POF1B: variants seen among roughly 807,000 people sequenced by gnomAD.
POF1B encodes the protein POF1B actin binding protein, also known as protein POF1B.
A neutral mutation model predicts 55.3 loss-of-function variants in POF1B; 53 were observed. That is an observed-to-expected ratio of 0.96 (90% confidence interval 0.77 to 1.20). The LOEUF is 1.20. Among genes scored for constraint, POF1B ranks in the 50% most tolerant of loss-of-function variants. The probability of loss-of-function intolerance (pLI) is 0.00; values close to 1 mark genes in which losing one functional copy is unlikely to be tolerated. For synonymous variants in POF1B, 188 were observed against 148.3 expected (o/e 1.27, Z -1.95); for missense variants, 478 against 420.5 (o/e 1.14, Z -1.20).
At chrX:85,350,601 T>C (rs1933362696) in intron 5 of POF1B, among the ~76,000 whole-genome samples, 1 of 111,472 alleles carries the variant, frequency 9.0e-6, no homozygotes, top group Non-Finnish European at 1.9e-5. Flanking sequence ...CCCTGAGGAA[T>C]CACCACATTG....
chrX:85,307,143 C>G lies in POF1B; in HGVS notation c.1164+20G>C, dbSNP rs758563823. 10 of 1,115,620 alleles carry G rather than the reference C, an allele frequency of 9.0e-6. No individual in the cohort carries two copies. The highest frequency in any genetic ancestry group is 1.2e-5 in the Non-Finnish European group (10 of 812,726). 91.9% of individuals were successfully genotyped at this position (1,115,620 alleles called of 1,213,427 possible). ...AAAAGCTATCAATGTAGATTAACAC[C>G]AATAAAAGCATCAGTTTACCTGCTG... On this transcript the variant is annotated intron_variant, in intron 11 of 16. Transcript: ENST00000262753.
At chrX:85,303,020 T>A (rs1447849036) in intron 15 of POF1B, among the ~76,000 whole-genome samples, 1 of 111,531 alleles carries the variant, frequency 9.0e-6, no homozygotes, top group Non-Finnish European at 1.9e-5. Flanking sequence ...AAGAAAGACA[T>A]ATTTATAAAG....
intron 9 of POF1B, among the ~76,000 whole-genome samples, chrX:85,309,183 C>T (rs1932640717): frequency 9.1e-6 from 1 of 110,256 alleles, no homozygotes; most frequent in Non-Finnish European, 1.9e-5. Flanking sequence ...CGACTGATAA[C>T]GGGCCACTAC....
intron 2 of POF1B, among the ~76,000 whole-genome samples, chrX:85,368,475 A>C (rs1417106189): frequency 1.8e-5 from 2 of 111,464 alleles, no homozygotes; most frequent in Non-Finnish European, 3.8e-5. Context: ...ACTACCTTTG[A>C]AAACTCAACT....
chrX:85,305,489 TTAGGC>T, intron 13 of POF1B, among the ~76,000 whole-genome samples: 1 of 110,873 alleles, frequency 9.0e-6, no homozygotes, highest in East Asian at 2.8e-4. Context: ...TAAGCATGCT[TTAGGC>T]AAGATCATGA....
chrX:85,355,634 G>A (rs1337642608), intron 4 of POF1B, among the ~76,000 whole-genome samples: 6 of 111,145 alleles, frequency 5.4e-5, no homozygotes, highest in Admixed American at 9.5e-5. Flanking sequence ...CAACCCCATC[G>A]AAAAGTGGGC....
At position 85,282,633 on chromosome X, in the gene POF1B, G is replaced by C. The variant is rs193058652; in HGVS notation, c.1650-316C>G. Among the ~76,000 whole-genome samples the C allele has an allele frequency of 2.6e-3, 283 of 110,698 alleles. 2 individuals are homozygous for C. Among genetic ancestry groups the C allele is most frequent in the African/African-American group, 8.9e-3 (272 of 30,479 alleles). ...AAGTGCCTAGCTCACTGCCTGGAGAGATTTTCTTGGTCACGGGATAAGTAA... is the reference window on the plus strand; with the variant it reads ...AAGTGCCTAGCTCACTGCCTGGAGACATTTTCTTGGTCACGGGATAAGTAA... On this transcript the variant is annotated intron_variant, in intron 15 of 16. Coordinates refer to ENST00000262753, the MANE Select transcript of POF1B (RefSeq NM_024921.4).
chrX:85,283,511 TTAAAA>T (rs1301916954), intron 15 of POF1B, among the ~76,000 whole-genome samples: 1 of 109,555 alleles, frequency 9.1e-6, no homozygotes, highest in Non-Finnish European at 1.9e-5. Flanking sequence ...AATAAATAAT[TTAAAA>T]TAAAACATAA....
chrX:85,351,097 C>G (rs1933376548), intron 5 of POF1B, among the ~76,000 whole-genome samples: 1 of 111,234 alleles, frequency 9.0e-6, no homozygotes, highest in South Asian at 3.7e-4. Context: ...TCAGATTCTG[C>G]CATTAATTTT....
At chrX:85,365,473 C>A (rs1373529779) in intron 3 of POF1B, among the ~76,000 whole-genome samples, 1 of 111,598 alleles carries the variant, frequency 9.0e-6, no homozygotes, top group Non-Finnish European at 1.9e-5. Flanking sequence ...TGTGCAGGGT[C>A]TAAATAGCTG....
chrX:85,292,549 C>T (rs746062194), intron 15 of POF1B, among the ~76,000 whole-genome samples: 17 of 111,660 alleles, frequency 1.5e-4, no homozygotes, highest in African/African-American at 3.9e-4. Context: ...AATTCAGCTG[C>T]GAATCTGCCT....
intron 2 of POF1B, among the ~76,000 whole-genome samples, chrX:85,375,023 C>T (rs773315046): frequency 9.0e-6 from 1 of 111,551 alleles, no homozygotes; most frequent in Non-Finnish European, 1.9e-5. Flanking sequence ...CTCTCCAACC[C>T]AAATCCCTCA....
intron 2 of POF1B, among the ~76,000 whole-genome samples, chrX:85,372,754 ATATAT>A (rs1300562063): frequency 4.8e-5 from 5 of 103,248 alleles, no homozygotes; most frequent in African/African-American, 1.4e-4. Context: ...TCATATTTAT[ATATAT>A]TATATTATAT....
At chrX:85,283,702 A>G (rs1419644516) in intron 15 of POF1B, among the ~76,000 whole-genome samples, 1 of 110,358 alleles carries the variant, frequency 9.1e-6, no homozygotes, top group Non-Finnish European at 1.9e-5. Flanking sequence ...CAAGAAGCTC[A>G]GTGAACGTGA....
chrX:85,321,090 T>C (rs1439536459), intron 7 of POF1B, among the ~76,000 whole-genome samples: 6 of 111,879 alleles, frequency 5.4e-5, no homozygotes, highest in Non-Finnish European at 7.5e-5. Flanking sequence ...TAATTCATTT[T>C]ATGAGGCCAA....
At chrX:85,347,460 C>G (rs1006203221) in intron 5 of POF1B, among the ~76,000 whole-genome samples, 3 of 110,967 alleles carry the variant, frequency 2.7e-5, no homozygotes, top group African/African-American at 9.8e-5. Flanking sequence ...ACATATATAA[C>G]TGCTTTGATA....
At chrX:85,336,781 T>C (rs1344084725) in intron 6 of POF1B, among the ~76,000 whole-genome samples, 1 of 111,787 alleles carries the variant, frequency 8.9e-6, no homozygotes, top group African/African-American at 3.2e-5. Flanking sequence ...TTAAAAGCTG[T>C]ACAGAAGATT....
chrX:85,345,856 T>G lies in POF1B; in HGVS notation c.723+4A>C, dbSNP rs781143915. ...TTGTTAAGGAATCAGCTGATTGATCTTACCTGCTCACAAATCTGGCTTGAT... is the reference window on the plus strand; with the variant it reads ...TTGTTAAGGAATCAGCTGATTGATCGTACCTGCTCACAAATCTGGCTTGAT... On this transcript the variant is annotated splice_donor_region_variant and intron_variant, in intron 6 of 16. Coordinates refer to ENST00000262753, the MANE Select transcript of POF1B (RefSeq NM_024921.4). 3 of 1,192,503 alleles carry G rather than the reference T, an allele frequency of 2.5e-6. No homozygotes were observed. The South Asian group carries it at 5.6e-5, about 22-fold the overall frequency.
chrX:85,377,128 T>C (rs1225319662), intron 2 of POF1B, among the ~76,000 whole-genome samples: 1 of 111,655 alleles, frequency 9.0e-6, no homozygotes, highest in African/African-American at 3.3e-5. Flanking sequence ...ATAAAGTGAA[T>C]TAAGGGTTTT....
Sources: gnomAD v4.1 joint callset for allele counts (sites outside exome capture counted in the v4.1 genomes callset) on GRCh38, gnomAD v4.1.1 for gene constraint, MANE v1.5 for transcripts, NCBI Gene and HGNC (gene_info 2026-07-23, HGNC 2026-07-21) for gene names.